Variants in GSPT1 observed in about 807,000 individuals in gnomAD.
The protein encoded by GSPT1 is eukaryotic peptide chain release factor GTP-binding subunit ERF3A.
In GSPT1, 20 loss-of-function variants were observed where a neutral mutation model predicts 72.5. That is an observed-to-expected ratio of 0.28 (90% CI 0.19 to 0.40). GSPT1 has a LOEUF of 0.40. Among genes scored for constraint, GSPT1 ranks in the 10% least tolerant of loss-of-function variants. The pLI, the probability that GSPT1 is intolerant of heterozygous loss-of-function variation, is 1.00. For synonymous variants in GSPT1, 334 were observed against 293.5 expected (o/e 1.14, Z -1.41); for missense variants, 580 against 811.9 (o/e 0.71, Z 3.47).
rs1443698804 is a variant in GSPT1 at position 11,870,085 on chromosome 16, C to T, written c.*3034G>A. 2 of 151,190 alleles carry T rather than the reference C, an allele frequency of 1.3e-5. No individual in the cohort carries two copies. Among genetic ancestry groups the T allele is most frequent in the Admixed American group, 6.7e-5 (1 of 15,002 alleles). The allele number at this position is 151,190 out of a possible 1,614,324, so 9.4% of individuals were successfully genotyped here. ...TTAGAGTTTAGGAACTTTTGACATT[C>T]GGTTATCACATATTTCAAAGATTTT... On this transcript the variant is annotated 3_prime_UTR_variant, in exon 15 of 15. Coordinates refer to ENST00000434724, the MANE Select transcript of GSPT1 (RefSeq NM_002094.4).
chr16:11,890,317 G>C (rs1432354183), intron 6 of GSPT1, among the ~76,000 whole-genome samples: 2 of 152,078 alleles, frequency 1.3e-5, no homozygotes, highest in Non-Finnish European at 1.5e-5. Context: ...AAAACTGAAA[G>C]CCACTAACGC....
At chr16:11,893,333 C>T (rs1339265182) in intron 5 of GSPT1, among the ~76,000 whole-genome samples, 1 of 151,962 alleles carries the variant, frequency 6.6e-6, no homozygotes, top group Admixed American at 6.6e-5. Context: ...ACTATATTGT[C>T]CTGGCTCTTC....
intron 1 of GSPT1, 55 bp from the exon 2 acceptor site, chr16:11,898,090 TTA>T: frequency 1.8e-6 from 2 of 1,120,964 alleles, no homozygotes; most frequent in Non-Finnish European, 2.6e-6. Context: ...TCCATTTCAC[TTA>T]TCTTTTAATA....
rs756330448 is a variant in GSPT1 at position 11,887,747 on chromosome 16, G to A, written c.780C>T (p.Tyr260=). 2.3e-5 allele frequency: 37 copies of A among 1,586,942 alleles called. No individual in the cohort carries two copies. The South Asian group carries it at 4.2e-4, about 18-fold the overall frequency. ...GATTTGTGTCTAAGGCCCAAGACAA[G>A]TACCTGAAATAATTTTTAAAAAAAG... The part of the protein sequence containing the change: ...EAKEKNRETW[Y]LSWALDTNQE... The change falls in exon 7 of 15, where the codon TAC becomes TAT. Residue 260 remains tyrosine, a synonymous_variant. Coordinates refer to ENST00000434724, the MANE Select transcript of GSPT1 (RefSeq NM_002094.4).
intron 6 of GSPT1, 164 bp downstream of exon 6, chr16:11,890,898 G>A (rs944065872): frequency 8.5e-6 from 4 of 470,236 alleles, no homozygotes; most frequent in African/African-American, 6.1e-5. Context: ...AGTTATTAAA[G>A]CATTAGGAAC....
At chr16:11,875,950 A>AG (rs2054042305) in intron 13 of GSPT1, 21 bp from the exon 14 acceptor site, 1 of 1,596,938 alleles carries the variant, frequency 6.3e-7, no homozygotes, top group African/African-American at 1.3e-5. Context: ...AAAGAGTATG[A>AG]GAAAATCAGA....
At chr16:11,889,662 A>T (rs955243607) in intron 6 of GSPT1, among the ~76,000 whole-genome samples, 2 of 151,080 alleles carry the variant, frequency 1.3e-5, no homozygotes, top group Non-Finnish European at 3.0e-5. Flanking sequence ...ATGCGCCACC[A>T]TGCCCAGCTA....
intron 13 of GSPT1, 50 bp from the exon 14 acceptor site, chr16:11,875,979 A>G (rs2054042668): frequency 2.6e-6 from 4 of 1,544,012 alleles, no homozygotes; most frequent in Middle Eastern, 1.7e-4. Flanking sequence ...AAATAAAATA[A>G]TCTTTAAGAA....
At chr16:11,899,278 T>C (rs867570032) in intron 1 of GSPT1, among the ~76,000 whole-genome samples, 2 of 152,164 alleles carry the variant, frequency 1.3e-5, no homozygotes, top group Non-Finnish European at 2.9e-5. Context: ...CATCAAATGT[T>C]GAGTAAAGTA....
Position 11,883,001 on chromosome 16 carries a change from T to A in GSPT1, c.1428+14A>T. On this transcript the variant is annotated intron_variant, in intron 11 of 14. Transcript: ENST00000434724. ...ATCAATAAATAGATAGGAAACAGCA[T>A]AACCGATTCTTACCTTGTTTGGCAT... 1 of 1,519,520 alleles carries A rather than the reference T, an allele frequency of 6.6e-7. No individual in the cohort carries two copies. The highest frequency in any genetic ancestry group is 1.1e-5 in the South Asian group (1 of 89,130). 94.1% of individuals were successfully genotyped at this position (1,519,520 alleles called of 1,614,324 possible).
chr16:11,888,974 C>G (rs1253047161), intron 6 of GSPT1, among the ~76,000 whole-genome samples: 1 of 152,076 alleles, frequency 6.6e-6, no homozygotes, highest in Non-Finnish European at 1.5e-5. Context: ...GCACAAAATA[C>G]AACACAAATA....
intron 1 of GSPT1, among the ~76,000 whole-genome samples, chr16:11,913,299 A>T (rs1247492170): frequency 6.6e-6 from 1 of 152,226 alleles, no homozygotes; most frequent in African/African-American, 2.4e-5. Context: ...ATAATTTTTT[A>T]AAAACATGAA....
chr16:11,913,351 A>G (rs1459302440), intron 1 of GSPT1, among the ~76,000 whole-genome samples: 1 of 151,920 alleles, frequency 6.6e-6, no homozygotes, highest in Non-Finnish European at 1.5e-5. Context: ...CGGTAACACC[A>G]AAATAGTTTT....
rs769856999 is a variant in GSPT1, at chr16:11,896,796, A to G, written c.437-11T>C. ...TCTCTCCATTTTCTACTGAAGAAAG[A>G]CATTTTAACTTAGTATTCTGAAAAA... On this transcript the variant is annotated splice_polypyrimidine_tract_variant and intron_variant, in intron 3 of 14. Transcript: ENST00000434724. 7 of 1,484,862 alleles carry G rather than the reference A, an allele frequency of 4.7e-6. No individual in the cohort carries two copies. The Admixed American group carries it at 1.2e-4, about 25-fold the overall frequency. The allele number at this position is 1,484,862 out of a possible 1,614,324, so 92.0% of individuals were successfully genotyped here. A position where few individuals can be genotyped will look rare whatever the true frequency, so the allele number is the denominator to read the frequency against.
chr16:11,916,164 C>T, upstream of GSPT1: 1 of 358,938 alleles, frequency 2.8e-6, no homozygotes, highest in East Asian at 1.0e-4. Context: ...CGGGGGCCGA[C>T]GGGAGTCGAA....
Position 11,872,336 on chromosome 16 carries a change from A to G in GSPT1, c.*783T>C. On this transcript the variant is annotated 3_prime_UTR_variant, in exon 15 of 15. Coordinates refer to ENST00000434724, the MANE Select transcript of GSPT1 (RefSeq NM_002094.4). ...TACAGTATGCTGTTCTTTTATTTTA[A>G]AACAACTTACTGTGTTCAAGAAATC... The G allele has an allele frequency of 6.6e-6, 1 of 152,108 alleles. No homozygotes were observed. Among genetic ancestry groups the G allele is most frequent in the East Asian group, 1.9e-4 (1 of 5,206 alleles). The allele number at this position is 152,108 out of a possible 1,614,324, so 9.4% of individuals were successfully genotyped here. A position where few individuals can be genotyped will look rare whatever the true frequency, so the allele number is the denominator to read the frequency against.
In GSPT1 at chr16:11,900,497, C is replaced by T. The variant is rs1264241188; in HGVS notation, c.353-2462G>A. Among the ~76,000 whole-genome samples the T allele has an allele frequency of 2.6e-5, 4 of 152,000 alleles. No individual in the cohort carries two copies. The East Asian group carries it at 7.7e-4, about 29-fold the overall frequency. On this transcript the variant is annotated intron_variant, in intron 1 of 14. Coordinates refer to ENST00000434724, the MANE Select transcript of GSPT1 (RefSeq NM_002094.4). Reference sequence around the variant, plus strand: ...ATTTTTATTGAGCCCTAAGTGCCGACTGCTAGCTCATTCCCACCAAAAGCC... The same window carrying T: ...ATTTTTATTGAGCCCTAAGTGCCGATTGCTAGCTCATTCCCACCAAAAGCC...
intron 1 of GSPT1, among the ~76,000 whole-genome samples, chr16:11,902,376 C>T (rs1267827251): frequency 2.2e-5 from 2 of 92,238 alleles, no homozygotes; most frequent in Non-Finnish European, 3.9e-5. Flanking sequence ...GACTCTGTCT[C>T]AAAAACAGAC....
chr16:11,895,048 C>G, intron 4 of GSPT1, 61 bp from the exon 5 acceptor site: 1 of 947,476 alleles, frequency 1.1e-6, no homozygotes, highest in Non-Finnish European at 1.7e-6. Context: ...GCTAAATATG[C>G]AAACAACAGC....
Sources: gnomAD v4.1 joint callset for allele counts (sites outside exome capture counted in the v4.1 genomes callset) on GRCh38, gnomAD v4.1.1 for gene constraint, MANE v1.5 for transcripts, NCBI Gene and HGNC (gene_info 2026-07-23, HGNC 2026-07-21) for gene names.